DISC1: variants seen among roughly 807,000 people sequenced by gnomAD.
The protein encoded by DISC1 is disrupted in schizophrenia 1 protein.
Under a neutral mutation model 84.5 loss-of-function variants are expected in DISC1, and 57 were observed. The ratio of observed to expected loss-of-function variants is 0.67; its 90% CI spans 0.55 to 0.84. DISC1 has a LOEUF of 0.84. Ranked by LOEUF, DISC1 falls within the 40% of genes least tolerant of loss-of-function variation. The pLI is 0.00. For missense variants in DISC1, 1,000 were observed against 1,057.8 expected, an observed-to-expected ratio of 0.95 and a Z score of 0.76; for synonymous variants, 411 against 415.2, an observed-to-expected ratio of 0.99 and a Z score of 0.12.
chr1:231,702,355 C>T (rs1377760696), intron 3 of DISC1: 5 of 1,043,776 alleles, frequency 4.8e-6, no homozygotes, highest in Non-Finnish European at 5.8e-6. Context: ...AAATATTCGT[C>T]TGACACCTAT....
At chr1:231,842,238 A>C (rs1014539012) in intron 9 of DISC1, among the ~76,000 whole-genome samples, 1 of 152,166 alleles carries the variant, frequency 6.6e-6, no homozygotes, top group African/African-American at 2.4e-5. Flanking sequence ...TCTGGTCTCA[A>C]GCAATCCTCT....
chr1:232,031,331 G>C lies in DISC1; in HGVS notation c.2425+4779G>C, dbSNP rs974025804. On this transcript the variant is annotated intron_variant, in intron 12 of 12. Transcript: ENST00000439617. This position sits in a 1 kb window ranked among gnomAD's most constrained non-coding sequence, Gnocchi z 4.6. The stretch of plus-strand genomic sequence containing the variant: ...GAGAGGGAAGGAGAGAAAAGGAAAG[G>C]AAAAGGAAAAGAGGAAAGAAAAGGA... Among the ~76,000 whole-genome samples, 1 of 149,772 alleles carries C rather than the reference G, an allele frequency of 6.7e-6. No individual in the cohort carries two copies. Among genetic ancestry groups the C allele is most frequent in the Non-Finnish European group, 1.5e-5 (1 of 67,412 alleles).
chr1:231,662,231 T>G (rs2061621086), intron 1 of DISC1, among the ~76,000 whole-genome samples: 1 of 152,194 alleles, frequency 6.6e-6, no homozygotes. Context: ...TGGAATGGTA[T>G]CAGGGACCCA....
chr1:231,715,791 T>C (rs1239118866), intron 3 of DISC1, among the ~76,000 whole-genome samples: 1 of 152,168 alleles, frequency 6.6e-6, no homozygotes, highest in Non-Finnish European at 1.5e-5. Context: ...TTTACATATT[T>C]AGTTTTAAAT....
intron 8 of DISC1, among the ~76,000 whole-genome samples, chr1:231,801,983 T>C (rs1417693262): frequency 6.6e-6 from 1 of 152,006 alleles, no homozygotes; most frequent in Non-Finnish European, 1.5e-5. Flanking sequence ...CACGCCCGGC[T>C]AATTTTTTGT....
At chr1:232,026,132 C>T (rs1470360327) in intron 11 of DISC1, among the ~76,000 whole-genome samples, 1 of 152,124 alleles carries the variant, frequency 6.6e-6, no homozygotes, top group Non-Finnish European at 1.5e-5. Flanking sequence ...ATTGATACAG[C>T]TGGAAGATTC....
chr1:231,816,263 G>T (rs78149917), intron 8 of DISC1, among the ~76,000 whole-genome samples: 1 of 152,244 alleles, frequency 6.6e-6, no homozygotes, highest in East Asian at 1.9e-4. Flanking sequence ...TAAAATGCCT[G>T]TTAAGTCATT....
intron 6 of DISC1, among the ~76,000 whole-genome samples, chr1:231,775,898 T>TC (rs1457151022): frequency 6.6e-6 from 1 of 151,720 alleles, no homozygotes; most frequent in Non-Finnish European, 1.5e-5. Flanking sequence ...GCATTCCCAT[T>TC]CTCTGTAATG....
chr1:231,745,186 TC>T (rs1392829846), intron 3 of DISC1, among the ~76,000 whole-genome samples: 2 of 152,114 alleles, frequency 1.3e-5, no homozygotes, highest in African/African-American at 4.8e-5. Flanking sequence ...AGTGATCAGA[TC>T]GGGGTAATTA....
intron 9 of DISC1, among the ~76,000 whole-genome samples, chr1:231,916,831 A>G (rs1057318106): frequency 1.3e-5 from 2 of 152,142 alleles, no homozygotes; most frequent in Non-Finnish European, 2.9e-5. Flanking sequence ...TGTGACACCT[A>G]CCTGGCCAAG....
At chr1:231,946,372 C>T (rs886955988) in intron 9 of DISC1, among the ~76,000 whole-genome samples, 1 of 152,152 alleles carries the variant, frequency 6.6e-6, no homozygotes, top group African/African-American at 2.4e-5. Context: ...ACATTATTAT[C>T]TCAATAGGTG....
At chr1:231,772,081 C>T (rs545433119) in intron 6 of DISC1, among the ~76,000 whole-genome samples, 1 of 151,780 alleles carries the variant, frequency 6.6e-6, no homozygotes, top group East Asian at 1.9e-4. Flanking sequence ...TCTGGAGGAG[C>T]TGGGACCACA....
chr1:231,941,698 C>A (rs2091352891), intron 9 of DISC1, among the ~76,000 whole-genome samples: 1 of 152,106 alleles, frequency 6.6e-6, no homozygotes. Flanking sequence ...GTCTCGATCT[C>A]TTGACCTCGT....
In DISC1 at chr1:232,030,245, G is replaced by A. The variant is rs542024740; in HGVS notation, c.2425+3693G>A. 8.5e-5 allele frequency among the ~76,000 whole-genome samples: 13 copies of A among 152,266 alleles called. No individual in the cohort carries two copies. In the East Asian group the frequency reaches 2.3e-3, roughly 27 times the overall value. ...GGGGTCCTAATTAGCAGTATGTTTT[G>A]AAAAACATTTTGACTGTGTGCAAGG... On this transcript the variant is annotated intron_variant, in intron 12 of 12. Coordinates refer to ENST00000439617, the MANE Select transcript of DISC1 (RefSeq NM_018662.3).
rs112054353 is a variant in DISC1, at chr1:232,008,914, C to T, written c.2172C>T (p.Asp724=). The T allele has an allele frequency of 4.0e-5, 64 of 1,613,626 alleles. No individual in the cohort carries two copies. The African/African-American group carries it at 7.2e-4, about 18-fold the overall frequency. Residue 724 remains aspartate (D), a synonymous_variant, in exon 11 of 13, where the codon GAC becomes GAT. Transcript: ENST00000439617. ...LSVEDERQMD[D]LEGAAPPIPP... ...TAGAAGATGAGAGGCAGATGGATGA[C>T]TTAGAGGGAGCTGCTCCTCCTATTC...
rs1439323002 is a variant in DISC1 at position 232,038,438 on chromosome 1, C to A, written c.*1607C>A. 6.6e-6 allele frequency: 1 copy of A among 152,152 alleles called. No individual in the cohort carries two copies. The highest frequency in any genetic ancestry group is 1.5e-5 in the Non-Finnish European group (1 of 68,032). 9.4% of individuals were successfully genotyped at this position (152,152 alleles called of 1,614,324 possible). On this transcript the variant is annotated 3_prime_UTR_variant, in exon 13 of 13. Transcript: ENST00000439617. The stretch of plus-strand genomic sequence containing the variant: ...AGGAGTACCCTCTCTGGTCAAGTAC[C>A]TTTGGTAAATACACCATACCATAAT...
At chr1:231,717,237 A>T (rs2125069002) in intron 3 of DISC1, among the ~76,000 whole-genome samples, 1 of 152,332 alleles carries the variant, frequency 6.6e-6, no homozygotes. Context: ...CAAGTCTCGG[A>T]AATAAAAACC....
At chr1:231,726,245 T>C (rs1171950060) in intron 3 of DISC1, among the ~76,000 whole-genome samples, 1 of 152,224 alleles carries the variant, frequency 6.6e-6, no homozygotes, top group Non-Finnish European at 1.5e-5. Flanking sequence ...TCGTTCCTGA[T>C]AACATAACAT....
chr1:231,813,032 A>G (rs1258219342), intron 8 of DISC1, among the ~76,000 whole-genome samples: 1 of 152,166 alleles, frequency 6.6e-6, no homozygotes, highest in Non-Finnish European at 1.5e-5. Flanking sequence ...CTTATCCCTC[A>G]GGATCAAAGA....
Sources: allele counts gnomAD v4.1 joint callset (sites outside exome capture counted in the v4.1 genomes callset), GRCh38; gene constraint gnomAD v4.1.1; non-coding constraint Gnocchi (gnomAD v3.1); transcripts MANE v1.5; gene names NCBI Gene and HGNC (gene_info 2026-07-23, HGNC 2026-07-21).